MAPK1IP1L: variants seen among roughly 807,000 people sequenced by gnomAD.
MAPK1IP1L encodes MAPK-interacting and spindle-stabilizing protein-like.
MAPK1IP1L carries 10 observed loss-of-function variants against 18.1 expected under a neutral mutation model. That is an observed-to-expected ratio of 0.55 (90% CI 0.34 to 0.94). The LOEUF is 0.94. Ranked by LOEUF, MAPK1IP1L falls within the 40% of genes least tolerant of loss-of-function variation. The pLI, the probability that MAPK1IP1L is intolerant of heterozygous loss-of-function variation, is 0.02. For missense variants in MAPK1IP1L, 260 were observed against 318.2 expected, an observed-to-expected ratio of 0.82 and a Z score of 1.39; for synonymous variants, 115 against 117.3, an observed-to-expected ratio of 0.98 and a Z score of 0.13.
chr14:55,063,294 C>G lies in MAPK1IP1L; in HGVS notation c.695C>G (p.Ser232Cys), dbSNP rs1461558599. The change falls in exon 3 of 4, where the codon TCT becomes TGT. Residue 232 changes from serine (S) to cysteine (C), a missense_variant. Physicochemically the swap from Ser to Cys is moderately radical, Grantham distance 112. Transcript: ENST00000395468. ...SNPFQVPSGP[S>C]GAPPMPGGPH... ...CCTTTCCAAGTGCCTTCAGGACCTT[C>G]TGGTGCTCCACCAATGCCTGGTGGC... is the stretch of plus-strand genomic sequence containing the variant. 1.2e-6 allele frequency: 2 copies of G among 1,613,644 alleles called. No individual in the cohort carries two copies. Among genetic ancestry groups the G allele is most frequent in the Non-Finnish European group, 1.7e-6 (2 of 1,179,670 alleles).
chr14:55,055,575 C>T (rs1019748485), intron 1 of MAPK1IP1L, among the ~76,000 whole-genome samples: 1 of 152,162 alleles, frequency 6.6e-6, no homozygotes, highest in African/African-American at 2.4e-5. Flanking sequence ...GGATGATTCA[C>T]GTCCTAGGCA....
Position 55,058,320 on chromosome 14 carries a change from C to T in MAPK1IP1L, c.-4-3360C>T, listed in dbSNP as rs941849098. 3.9e-5 allele frequency among the ~76,000 whole-genome samples: 6 copies of T among 152,270 alleles called. No homozygotes were observed. In the East Asian group the frequency reaches 5.8e-4, roughly 15 times the overall value. On this transcript the variant is annotated intron_variant, in intron 1 of 3. Transcript: ENST00000395468. ...AAACAAAGTTGAATGAAACGTCTTTCGAGGACCTGCTATAGACTAAAATTT... is the reference window on the plus strand; with the variant it reads ...AAACAAAGTTGAATGAAACGTCTTTTGAGGACCTGCTATAGACTAAAATTT...
chr14:55,069,910 G>A lies in MAPK1IP1L; in HGVS notation c.*5283G>A, dbSNP rs556185268. The A allele has an allele frequency of 2.6e-5, 4 of 152,206 alleles. No individual in the cohort carries two copies. Among genetic ancestry groups the A allele is most frequent in the Non-Finnish European group, 4.4e-5 (3 of 68,018 alleles). The allele number at this position is 152,206 out of a possible 1,614,324, so 9.4% of individuals were successfully genotyped here. A position where few individuals can be genotyped will look rare whatever the true frequency, so the allele number is the denominator to read the frequency against. ...TTCTACTTTTATCATTAACTGCTACGCATTTAGTGAGGGTCACATTATTAA... is the reference window on the plus strand; with the variant it reads ...TTCTACTTTTATCATTAACTGCTACACATTTAGTGAGGGTCACATTATTAA... On this transcript the variant is annotated 3_prime_UTR_variant, in exon 4 of 4. Transcript: ENST00000395468.
intron 1 of MAPK1IP1L, among the ~76,000 whole-genome samples, chr14:55,056,354 CA>C (rs1225493290): frequency 6.6e-6 from 1 of 152,172 alleles, no homozygotes; most frequent in East Asian, 1.9e-4. Flanking sequence ...AACTTTGATA[CA>C]GAATCATTTT....
chr14:55,052,288 A>G (rs1350102999), intron 1 of MAPK1IP1L, among the ~76,000 whole-genome samples: 1 of 152,168 alleles, frequency 6.6e-6, no homozygotes, highest in Non-Finnish European at 1.5e-5. Flanking sequence ...AATTTTTAAT[A>G]AAAAGGGAAA....
intron 3 of MAPK1IP1L, chr14:55,064,003 C>CTTTTTTTTTT: frequency 2.6e-5 from 2 of 76,006 alleles, no homozygotes; most frequent in Non-Finnish European, 4.6e-5. Flanking sequence ...TCTGTTAACT[C>CTTTTTTTTTT]TTTTTTTTTT....
Position 55,062,615 on chromosome 14 carries a change from C to A in MAPK1IP1L, c.19-3C>A, listed in dbSNP as rs774971603. Reference sequence around the variant, plus strand: ...GGAAAGACGTATCTGTTTTGTGTTCCAGTTGGCAGATGCACTACCTGAACA... The same window carrying A: ...GGAAAGACGTATCTGTTTTGTGTTCAAGTTGGCAGATGCACTACCTGAACA... On this transcript the variant is annotated splice_polypyrimidine_tract_variant and splice_region_variant and intron_variant, in intron 2 of 3. Coordinates refer to ENST00000395468, the MANE Select transcript of MAPK1IP1L (RefSeq NM_144578.4). 6.0e-5 allele frequency: 96 copies of A among 1,604,056 alleles called. No homozygotes were observed. The highest frequency in any genetic ancestry group is 7.8e-5 in the Non-Finnish European group (92 of 1,174,184).
At chr14:55,056,618 T>C (rs567896029) in intron 1 of MAPK1IP1L, among the ~76,000 whole-genome samples, 47 of 152,340 alleles carry the variant, frequency 3.1e-4, no homozygotes, top group Non-Finnish European at 1.6e-4. Context: ...CGCGCCATTC[T>C]CTTGCCTCAG....
chr14:55,059,625 T>G (rs2042800052), intron 1 of MAPK1IP1L, among the ~76,000 whole-genome samples: 1 of 152,354 alleles, frequency 6.6e-6, no homozygotes. Flanking sequence ...AAGGAGGCTC[T>G]ATAGCCTGCT....
chr14:55,065,488 G>C lies in MAPK1IP1L; in HGVS notation c.*861G>C, dbSNP rs561106346. Reference sequence around the variant, plus strand: ...CCTAGGAATTGCTTAACTGCAACAAGTAATTTTCATTCCCACAAAAACCTG... The same window carrying C: ...CCTAGGAATTGCTTAACTGCAACAACTAATTTTCATTCCCACAAAAACCTG... On this transcript the variant is annotated 3_prime_UTR_variant, in exon 4 of 4. Transcript: ENST00000395468. 1 of 152,210 alleles carries C rather than the reference G, an allele frequency of 6.6e-6. No individual in the cohort carries two copies. Among genetic ancestry groups the C allele is most frequent in the East Asian group, 1.9e-4 (1 of 5,186 alleles). The allele number at this position is 152,210 out of a possible 1,614,324, so 9.4% of individuals were successfully genotyped here.
rs765175076 is a variant in MAPK1IP1L at position 55,064,678 on chromosome 14, T to C, written c.*51T>C. 1.9e-6 allele frequency: 3 copies of C among 1,558,048 alleles called. No individual in the cohort carries two copies. The highest frequency in any genetic ancestry group is 1.7e-5 in the Admixed American group (1 of 58,222). On this transcript the variant is annotated 3_prime_UTR_variant, in exon 4 of 4. Coordinates refer to ENST00000395468, the MANE Select transcript of MAPK1IP1L (RefSeq NM_144578.4). Reference sequence around the variant, plus strand: ...CTTTGCTTTTTGAAGTACATGTATATGCACATGAATGCATATATAAAAATT... The same window carrying C: ...CTTTGCTTTTTGAAGTACATGTATACGCACATGAATGCATATATAAAAATT...
At position 55,065,840 on chromosome 14, in the gene MAPK1IP1L, T is replaced by G. The variant is rs1334238868; in HGVS notation, c.*1213T>G. ...AGTTCTGTATTTGTTGACAGGTAAA[T>G]AAGTGGAGTTGAGTGCCATCTTTGA... On this transcript the variant is annotated 3_prime_UTR_variant, in exon 4 of 4. Transcript: ENST00000395468. 1.3e-5 allele frequency: 2 copies of G among 152,244 alleles called. No homozygotes were observed. The highest frequency in any genetic ancestry group is 2.9e-5 in the Non-Finnish European group (2 of 68,034). The allele number at this position is 152,244 out of a possible 1,614,324, so 9.4% of individuals were successfully genotyped here.
intron 1 of MAPK1IP1L, among the ~76,000 whole-genome samples, chr14:55,058,948 CG>C (rs1360856372): frequency 3.3e-5 from 5 of 151,450 alleles, no homozygotes; most frequent in African/African-American, 1.2e-4. Flanking sequence ...ATGATTTATA[CG>C]GGAAGATGTG....
intron 2 of MAPK1IP1L, among the ~76,000 whole-genome samples, chr14:55,062,299 A>G (rs1199403181): frequency 1.3e-5 from 2 of 152,194 alleles, no homozygotes; most frequent in Admixed American, 6.5e-5. Context: ...ATTCAAATCC[A>G]TATCTTGACT....
In MAPK1IP1L at chr14:55,062,740, T is replaced by A; in HGVS notation, c.141T>A (p.Ser47=). 4 of 1,614,156 alleles carry A rather than the reference T, an allele frequency of 2.5e-6. No homozygotes were observed. Among genetic ancestry groups the A allele is most frequent in the Non-Finnish European group, 3.4e-6 (4 of 1,180,032 alleles). ...CTTGGAATAATCCGAGTGCTCCATCTTCAGTGCCATCTGGACTCCCACCAA... is the reference window on the plus strand; with the variant it reads ...CTTGGAATAATCCGAGTGCTCCATCATCAGTGCCATCTGGACTCCCACCAA... ...SNPWNNPSAP[S]SVPSGLPPSA... The change falls in exon 3 of 4, where the codon TCT becomes TCA. Residue 47 remains serine, a synonymous_variant. Transcript: ENST00000395468.
rs531259347 is a variant in MAPK1IP1L, at chr14:55,051,819, T to A, written c.-5+16T>A. The A allele has an allele frequency of 2.1e-6, 1 of 484,544 alleles. No homozygotes were observed. Among genetic ancestry groups the A allele is most frequent in the Admixed American group, 2.0e-5 (1 of 49,766 alleles). 30.0% of individuals were successfully genotyped at this position (484,544 alleles called of 1,614,324 possible). On this transcript the variant is annotated intron_variant, in intron 1 of 3. Transcript: ENST00000395468. ...ATATTGCCGGGTGAGGCTGCTTCGG[T>A]ACTAGTGGGAGTCGTGAAGGGGAAT...
intron 1 of MAPK1IP1L, among the ~76,000 whole-genome samples, chr14:55,052,995 T>C (rs1704381847): frequency 6.6e-6 from 1 of 152,210 alleles, no homozygotes; most frequent in Non-Finnish European, 1.5e-5. Flanking sequence ...GGGCACCCCA[T>C]AATCCAACAT....
rs2042856691 is a variant in MAPK1IP1L at position 55,065,609 on chromosome 14, C to CTGATG, written c.*985_*989dup. 1.3e-5 allele frequency: 2 copies of CTGATG among 152,282 alleles called. No individual in the cohort carries two copies. The highest frequency in any genetic ancestry group is 4.1e-4 in the South Asian group (2 of 4,828). The allele number at this position is 152,282 out of a possible 1,614,324, so 9.4% of individuals were successfully genotyped here. On this transcript the variant is annotated 3_prime_UTR_variant, in exon 4 of 4. Transcript: ENST00000395468. ...AGCACACACATCCCTTGATTCCTCC[C>CTGATG]TGATGTGGTAAACTGGCACACTCCA...
rs2140265832 is a variant in MAPK1IP1L, at chr14:55,070,061, C to T, written c.*5434C>T. ...TTTTGGAAGGAATTTCTGCTTTTTG[C>T]CTTATGATTGGACAAAATGCAGCTG... is the stretch of plus-strand genomic sequence containing the variant. On this transcript the variant is annotated 3_prime_UTR_variant, in exon 4 of 4. Coordinates refer to ENST00000395468, the MANE Select transcript of MAPK1IP1L (RefSeq NM_144578.4). 1 of 152,228 alleles carries T rather than the reference C, an allele frequency of 6.6e-6. No individual in the cohort carries two copies. Among genetic ancestry groups the T allele is most frequent in the Middle Eastern group, 3.4e-3 (1 of 294 alleles). 9.4% of individuals were successfully genotyped at this position (152,228 alleles called of 1,614,324 possible). A position where few individuals can be genotyped will look rare whatever the true frequency, so the allele number is the denominator to read the frequency against.
Sources: gnomAD v4.1 joint callset for allele counts (sites outside exome capture counted in the v4.1 genomes callset) on GRCh38, gnomAD v4.1.1 for gene constraint, MANE v1.5 for transcripts, NCBI Gene and HGNC (gene_info 2026-07-23, HGNC 2026-07-21) for gene names.